The following SNW1 variants were observed in gnomAD, a reference collection of about 807,000 sequenced individuals.
SNW1 encodes the protein SNW domain containing 1, also known as SNW domain-containing protein 1.
A neutral mutation model predicts 75.6 loss-of-function variants in SNW1; 9 were observed. That is an observed-to-expected ratio of 0.12 (90% CI 0.07 to 0.21). The LOEUF (loss-of-function observed/expected upper bound fraction) is 0.21, where lower values mean the gene tolerates loss of function less well. Among genes scored for constraint, SNW1 ranks in the 10% least tolerant of loss-of-function variants. The pLI, the probability that SNW1 is intolerant of heterozygous loss-of-function variation, is 1.00. For synonymous variants in SNW1, 200 were observed against 219.1 expected, an observed-to-expected ratio of 0.91 and a Z score of 0.77; for missense variants, 409 against 670.9, an observed-to-expected ratio of 0.61 and a Z score of 4.31.
intron 10 of SNW1, among the ~76,000 whole-genome samples, chr14:77,730,185 T>C (rs1217860398): frequency 6.6e-6 from 1 of 152,208 alleles, no homozygotes. Flanking sequence ...AAGTGAGGGC[T>C]ATTTGACCAC....
In SNW1 at chr14:77,755,123, A is replaced by G. The variant is rs377652227; in HGVS notation, c.15-3T>C. 5.6e-6 allele frequency: 9 copies of G among 1,608,500 alleles called. No individual in the cohort carries two copies. The highest frequency in any genetic ancestry group is 2.7e-5 in the African/African-American group (2 of 74,542). ...GCTGAGTAGGTGCAGGTAAAAAGCT[A>G]TAAGCAAAGATAATAAAAGTCAGAA... On this transcript the variant is annotated splice_polypyrimidine_tract_variant and splice_region_variant and intron_variant, in intron 1 of 13. Transcript: ENST00000261531.
At chr14:77,723,008 C>T (rs532481986) in intron 11 of SNW1, 173 bp downstream of exon 11, 33 of 586,162 alleles carry the variant, frequency 5.6e-5, no homozygotes, top group African/African-American at 2.8e-4. Context: ...CGACCATGCC[C>T]GGCTAATTTT....
chr14:77,750,839 G>C (rs1487807066), intron 3 of SNW1, among the ~76,000 whole-genome samples: 3 of 152,136 alleles, frequency 2.0e-5, no homozygotes, highest in Non-Finnish European at 2.9e-5. Flanking sequence ...TAGGGCAAAA[G>C]AAGTTTGTGT....
rs763242933 is a variant in SNW1, at chr14:77,718,220, C to T, written c.1479G>A (p.Gln493=). The T allele has an allele frequency of 1.2e-6, 2 of 1,613,824 alleles. No homozygotes were observed. Among genetic ancestry groups the T allele is most frequent in the South Asian group, 2.2e-5 (2 of 91,052 alleles). The stretch of plus-strand genomic sequence containing the variant: ...CCAAACCAAAAGGATCTTCCTCAAA[C>T]TGCACTGGTCCTTCTCGGCCTCTCT... ...RRQRGREGPV[Q]FEEDPFGLDK... The change falls in exon 14 of 14, where the codon CAG becomes CAA. Residue 493 remains glutamine, a synonymous_variant. Coordinates refer to ENST00000261531, the MANE Select transcript of SNW1 (RefSeq NM_012245.3).
intron 2 of SNW1, among the ~76,000 whole-genome samples, chr14:77,753,613 T>C (rs1453693472): frequency 1.3e-5 from 2 of 152,054 alleles, no homozygotes; most frequent in South Asian, 2.1e-4. Flanking sequence ...TTGGAATACA[T>C]AGGACAAGAT....
chr14:77,748,522 G>A (rs995974497), intron 3 of SNW1, among the ~76,000 whole-genome samples: 8 of 151,972 alleles, frequency 5.3e-5, no homozygotes, highest in African/African-American at 1.2e-4. Flanking sequence ...GGAGAAAAGC[G>A]GGCAGGACTA....
intron 11 of SNW1, among the ~76,000 whole-genome samples, chr14:77,722,216 T>C (rs1251076441): frequency 6.6e-6 from 1 of 152,186 alleles, no homozygotes; most frequent in Non-Finnish European, 1.5e-5. Context: ...GAACTTTTAG[T>C]CCTCAGCCTT....
chr14:77,741,742 GA>G (rs71452872), intron 3 of SNW1, among the ~76,000 whole-genome samples: 5,402 of 151,934 alleles, frequency 0.036, 155 homozygotes, highest in Non-Finnish European at 0.05. Context: ...AACAACACAA[GA>G]AAAAAATACC....
intron 5 of SNW1, 68 bp downstream of exon 5, chr14:77,738,710 G>A: frequency 8.7e-7 from 1 of 1,149,852 alleles, no homozygotes; most frequent in South Asian, 1.3e-5. Context: ...GTTAGTGAAA[G>A]AATACCATGA....
At chr14:77,738,190 C>A (rs556820315) in intron 5 of SNW1, among the ~76,000 whole-genome samples, 3 of 151,680 alleles carry the variant, frequency 2.0e-5, no homozygotes, top group Admixed American at 2.0e-4. Context: ...ACCTGTAATC[C>A]CAGCTACTCA....
At chr14:77,722,838 CTTTTTT>C (rs773466539) in intron 11 of SNW1, 55 of 286,396 alleles carry the variant, frequency 1.9e-4, no homozygotes, top group South Asian at 2.7e-4. Context: ...TGGTACATAT[CTTTTTT>C]TTTTTTTTTT....
chr14:77,750,316 T>C (rs1297121078), intron 3 of SNW1, among the ~76,000 whole-genome samples: 6 of 152,160 alleles, frequency 3.9e-5, no homozygotes, highest in Admixed American at 3.9e-4. Flanking sequence ...ATGAAGAAAA[T>C]TGACAATTGT....
Position 77,717,762 on chromosome 14 carries a change from CAT to C in SNW1, c.*324_*325del, listed in dbSNP as rs2080500386. 7 of 609,172 alleles carry C rather than the reference CAT, an allele frequency of 1.1e-5. No homozygotes were observed. In the South Asian group the frequency reaches 1.4e-4, roughly 12 times the overall value. 37.7% of individuals were successfully genotyped at this position (609,172 alleles called of 1,614,324 possible). ...TCACTGTGGTTGGGGTAACTTTACTCATATGCAGCTGTTCTTACACAAAACAT... is the reference window on the plus strand; with the variant it reads ...TCACTGTGGTTGGGGTAACTTTACTCATGCAGCTGTTCTTACACAAAACAT... On this transcript the variant is annotated 3_prime_UTR_variant, in exon 14 of 14. Coordinates refer to ENST00000261531, the MANE Select transcript of SNW1 (RefSeq NM_012245.3).
chr14:77,726,096 A>G (rs1032622588), intron 10 of SNW1, among the ~76,000 whole-genome samples: 4 of 151,914 alleles, frequency 2.6e-5, no homozygotes, highest in African/African-American at 9.7e-5. Context: ...CTTTTTATTC[A>G]GGATTGCTTT....
chr14:77,761,103 CA>C lies in SNW1; in HGVS notation c.14+10del. The C allele has an allele frequency of 3.1e-6, 5 of 1,614,250 alleles. No individual in the cohort carries two copies. Among genetic ancestry groups the C allele is most frequent in the Non-Finnish European group, 4.2e-6 (5 of 1,180,044 alleles). ...ACCCTTCCGTATCGAGGACCCCAAT[CA>C]ACAACCCACCTGGTGAGCGCCATCT... is the stretch of plus-strand genomic sequence containing the variant. On this transcript the variant is annotated intron_variant, in intron 1 of 13. Coordinates refer to ENST00000261531, the MANE Select transcript of SNW1 (RefSeq NM_012245.3).
chr14:77,721,366 C>T (rs1462245177), intron 11 of SNW1, among the ~76,000 whole-genome samples: 1 of 152,170 alleles, frequency 6.6e-6, no homozygotes, highest in African/African-American at 2.4e-5. Context: ...ATGCAACCTA[C>T]ATCCCAATGA....
chr14:77,750,667 GA>G (rs34375366), intron 3 of SNW1, among the ~76,000 whole-genome samples: 122,377 of 149,888 alleles, frequency 0.82, 49,957 homozygotes, highest in South Asian at 0.85. Context: ...TTATTTACAA[GA>G]AAAAAAAAAA....
chr14:77,755,821 C>T (rs2080838829), intron 1 of SNW1, among the ~76,000 whole-genome samples: 1 of 151,954 alleles, frequency 6.6e-6, no homozygotes, highest in Admixed American at 6.6e-5. Context: ...TCACTGCAGC[C>T]TCCACCTCCT....
intron 10 of SNW1, among the ~76,000 whole-genome samples, chr14:77,728,949 T>A (rs921169899): frequency 6.6e-6 from 1 of 152,256 alleles, no homozygotes. Context: ...TTCTGTTGTC[T>A]TTTTCTTATT....
Sources: gnomAD v4.1 joint callset for allele counts (sites outside exome capture counted in the v4.1 genomes callset) on GRCh38, gnomAD v4.1.1 for gene constraint, MANE v1.5 for transcripts, NCBI Gene and HGNC (gene_info 2026-07-23, HGNC 2026-07-21) for gene names.